The following NRXN3 variants were observed in gnomAD, a reference collection of about 807,000 sequenced individuals.
The protein encoded by NRXN3 is neurexin 3.
In NRXN3, 32 loss-of-function variants were observed where a neutral mutation model predicts 137.6. The ratio of observed to expected loss-of-function variants is 0.23; its 90% CI spans 0.18 to 0.31. The LOEUF is 0.31. Among genes scored for constraint, NRXN3 ranks in the 10% least tolerant of loss-of-function variants. The pLI, the probability that NRXN3 is intolerant of heterozygous loss-of-function variation, is 1.00. For missense variants in NRXN3, 1,574 were observed against 2,062.5 expected (o/e 0.76, Z 4.59); for synonymous variants, 798 against 784.5 (o/e 1.02, Z -0.29).
chr14:79,678,393 A>G (rs2098652088), intron 17 of NRXN3, among the ~76,000 whole-genome samples: 2 of 152,172 alleles, frequency 1.3e-5, no homozygotes, highest in Non-Finnish European at 2.9e-5. Flanking sequence ...TGTGGTAGAA[A>G]CTGAATAATA....
At chr14:79,385,436 C>G (rs2094586382) in intron 15 of NRXN3, among the ~76,000 whole-genome samples, 1 of 152,020 alleles carries the variant, frequency 6.6e-6, no homozygotes, top group African/African-American at 2.4e-5. Context: ...ATATGTGCCA[C>G]ATTTTCTTAA....
chr14:79,654,242 G>A (rs985384519), intron 16 of NRXN3, among the ~76,000 whole-genome samples: 2 of 151,652 alleles, frequency 1.3e-5, no homozygotes, highest in African/African-American at 4.9e-5. Context: ...CCCTATTTGA[G>A]TTATTCTGAC....
chr14:79,357,243 T>G (rs2093457043), intron 15 of NRXN3, among the ~76,000 whole-genome samples: 1 of 152,218 alleles, frequency 6.6e-6, no homozygotes. Flanking sequence ...CATTATTTTC[T>G]TTCTGTGTAA....
intron 15 of NRXN3, among the ~76,000 whole-genome samples, chr14:79,432,659 A>AT (rs1213931914): frequency 6.6e-6 from 1 of 152,200 alleles, no homozygotes; most frequent in Admixed American, 6.5e-5. Context: ...TGAAACAGTT[A>AT]TTTTTTCTAT....
chr14:79,835,646 T>C (rs1008816357), intron 20 of NRXN3, among the ~76,000 whole-genome samples: 3 of 152,166 alleles, frequency 2.0e-5, no homozygotes, highest in African/African-American at 7.2e-5. Context: ...AAGAATTGAA[T>C]AGCTACATCT....
chr14:79,361,640 C>G (rs927903039), intron 15 of NRXN3, among the ~76,000 whole-genome samples: 3 of 152,042 alleles, frequency 2.0e-5, no homozygotes, highest in South Asian at 2.1e-4. Flanking sequence ...TCACTTGAAC[C>G]CAGGAGGCAG....
At chr14:78,902,608 CT>C (rs2099200375) in intron 10 of NRXN3, among the ~76,000 whole-genome samples, 2 of 151,800 alleles carry the variant, frequency 1.3e-5, no homozygotes, top group South Asian at 4.2e-4. Context: ...AACATTTTTT[CT>C]TGATCTAAAT....
At chr14:79,755,877 A>G (rs1418013899) in intron 19 of NRXN3, among the ~76,000 whole-genome samples, 1 of 152,132 alleles carries the variant, frequency 6.6e-6, no homozygotes, top group South Asian at 2.1e-4. Flanking sequence ...CTTATCTCCT[A>G]TGCAAATCCT....
chr14:79,324,301 A>C (rs886686739), intron 15 of NRXN3, among the ~76,000 whole-genome samples: 2 of 152,244 alleles, frequency 1.3e-5, no homozygotes, highest in Non-Finnish European at 2.9e-5. Context: ...AGATTTAAAA[A>C]ATTGAATTAA....
At chr14:78,458,791 C>T (rs1028879115) in intron 4 of NRXN3, among the ~76,000 whole-genome samples, 2 of 152,228 alleles carry the variant, frequency 1.3e-5, no homozygotes, top group African/African-American at 2.4e-5. Flanking sequence ...ATCTCCTTCT[C>T]ACCATTGGCT....
chr14:78,784,651 T>C (rs1253209694), intron 8 of NRXN3, among the ~76,000 whole-genome samples: 3 of 152,156 alleles, frequency 2.0e-5, no homozygotes, highest in Non-Finnish European at 4.4e-5. Flanking sequence ...GAGGTGATTG[T>C]TCTGGCTGCC....
At chr14:79,268,022 T>C (rs546963644) in intron 15 of NRXN3, among the ~76,000 whole-genome samples, 35 of 152,348 alleles carry the variant, frequency 2.3e-4, no homozygotes, top group African/African-American at 8.4e-4. Context: ...GCTACCTTTT[T>C]CCAGCTTATC....
At chr14:78,421,003 C>T (rs574007569) in intron 4 of NRXN3, among the ~76,000 whole-genome samples, 5 of 152,276 alleles carry the variant, frequency 3.3e-5, no homozygotes, top group Admixed American at 6.5e-5. Flanking sequence ...CTGCCCTCAT[C>T]GACATTTCTC....
intron 8 of NRXN3, among the ~76,000 whole-genome samples, chr14:78,752,574 C>G (rs926979722): frequency 6.6e-6 from 1 of 152,132 alleles, no homozygotes; most frequent in Non-Finnish European, 1.5e-5. Context: ...CTGTTCAGGG[C>G]TCTATGGGGA....
chr14:79,403,648 A>G (rs550198662), intron 15 of NRXN3, among the ~76,000 whole-genome samples: 1 of 152,298 alleles, frequency 6.6e-6, no homozygotes, highest in East Asian at 1.9e-4. Context: ...CTGTCCCTGC[A>G]TGTAGACTAA....
chr14:78,872,027 C>T (rs1030922982), intron 10 of NRXN3, among the ~76,000 whole-genome samples: 1 of 151,952 alleles, frequency 6.6e-6, no homozygotes, highest in African/African-American at 2.4e-5. Flanking sequence ...AACTCCTCCC[C>T]ACCTCAATCC....
At chr14:78,315,566 C>T (rs1002604915) in intron 4 of NRXN3, among the ~76,000 whole-genome samples, 3 of 152,128 alleles carry the variant, frequency 2.0e-5, no homozygotes, top group Admixed American at 6.5e-5. Flanking sequence ...AAACAAGCTG[C>T]GTTTATGTAT....
intron 4 of NRXN3, among the ~76,000 whole-genome samples, chr14:78,478,231 T>A (rs887425665): frequency 2.0e-5 from 3 of 152,078 alleles, no homozygotes; most frequent in African/African-American, 7.2e-5. Flanking sequence ...CTTTATATTA[T>A]ACAACTCAAA....
chr14:79,095,291 G>C (rs568064963), intron 15 of NRXN3, among the ~76,000 whole-genome samples: 1 of 152,028 alleles, frequency 6.6e-6, no homozygotes, highest in Non-Finnish European at 1.5e-5. Context: ...TTCTTATTTA[G>C]CACTTGAATC....
Sources: allele counts gnomAD v4.1 joint callset (sites outside exome capture counted in the v4.1 genomes callset), GRCh38; gene constraint gnomAD v4.1.1; transcripts MANE v1.5; gene names NCBI Gene and HGNC (gene_info 2026-07-23, HGNC 2026-07-21).